The following POR variants were observed in gnomAD, a reference collection of about 807,000 sequenced individuals.
The protein encoded by POR is cytochrome p450 oxidoreductase, also known as NADPH--cytochrome P450 reductase.
POR carries 56 observed loss-of-function variants against 84.0 expected under a neutral mutation model. That is an observed-to-expected ratio of 0.67 (90% CI 0.54 to 0.83). POR has a LOEUF of 0.83. POR is among the 40% of genes least tolerant of loss of function. The pLI is 0.00. For missense variants in POR, 938 were observed against 944.3 expected, an observed-to-expected ratio of 0.99 and a Z score of 0.09; for synonymous variants, 414 against 400.5, an observed-to-expected ratio of 1.03 and a Z score of -0.40.
intron 1 of POR, among the ~76,000 whole-genome samples, chr7:75,918,935 C>A (rs1806713435): frequency 1.3e-5 from 2 of 151,394 alleles, no homozygotes; most frequent in Admixed American, 1.3e-4. Context: ...TCCTAGGAAC[C>A]ATGGGAAGAG....
At chr7:75,967,970 G>A (rs1480428546) in intron 2 of POR, 3 of 447,646 alleles carry the variant, frequency 6.7e-6, no homozygotes, top group South Asian at 3.1e-5. Flanking sequence ...TCACCAGTAC[G>A]GAACAGGGGA....
rs35350121 is a variant in POR, at chr7:75,976,750, GA to G, written c.238-2690del. Among the ~76,000 whole-genome samples, 302 of 144,526 alleles carry G rather than the reference GA, an allele frequency of 2.1e-3. 1 individual carries two copies. The highest frequency in any genetic ancestry group is 7.3e-3 in the African/African-American group (282 of 38,822). The allele number at this position is 144,526 out of a possible 152,430, so 94.8% of individuals were successfully genotyped here. On this transcript the variant is annotated intron_variant, in intron 3 of 15. Transcript: ENST00000461988. ...CGACAAGAGCAAAACTCTGTCTCAAGAAAAAAAAAAACAATTTTTAATGATT... is the reference window on the plus strand; with the variant it reads ...CGACAAGAGCAAAACTCTGTCTCAAGAAAAAAAAAACAATTTTTAATGATT...
intron 3 of POR, among the ~76,000 whole-genome samples, chr7:75,977,090 TCATC>T (rs1164344966): frequency 6.6e-6 from 1 of 152,146 alleles, no homozygotes; most frequent in Non-Finnish European, 1.5e-5. Context: ...TGGGCTCAAG[TCATC>T]CTCTTACCTC....
Position 75,984,774 on chromosome 7 carries a change from C to A in POR, c.1067-3C>A, listed in dbSNP as rs75883903. 1.9e-6 allele frequency: 3 copies of A among 1,612,338 alleles called. No individual in the cohort carries two copies. The highest frequency in any genetic ancestry group is 2.5e-6 in the Non-Finnish European group (3 of 1,179,638). ...CCAAGTCCTGCCTGTCTCTTCCCTG[C>A]AGAGGAGTCCAACAAGAAGCACCCA... On this transcript the variant is annotated splice_polypyrimidine_tract_variant and splice_region_variant and intron_variant, in intron 10 of 15. Transcript: ENST00000461988.
chr7:75,920,082 T>TC, intron 1 of POR, among the ~76,000 whole-genome samples: 1 of 141,296 alleles, frequency 7.1e-6, no homozygotes, highest in African/African-American at 2.9e-5. Flanking sequence ...TTTTTTTTTT[T>TC]TGAGACAGAG....
chr7:75,968,970 CTG>C (rs1321783392), intron 2 of POR, among the ~76,000 whole-genome samples: 3 of 152,354 alleles, frequency 2.0e-5, no homozygotes, highest in Admixed American at 2.0e-4. Context: ...TCCCGTGGGG[CTG>C]TCTCTCCAGG....
In POR at chr7:75,935,251, G is replaced by A. The variant is rs910998434; in HGVS notation, c.-4-18738G>A. On this transcript the variant is annotated intron_variant, in intron 1 of 15. Transcript: ENST00000461988. ...GATTTAATGACTGTCTGCCAGGTGC[G>A]GTGGCTCACACCTGTAATCCCAGCA... Among the ~76,000 whole-genome samples, 30 of 151,834 alleles carry A rather than the reference G, an allele frequency of 2.0e-4. 1 individual carries two copies. Among genetic ancestry groups the A allele is most frequent in the Non-Finnish European group, 2.8e-4 (19 of 67,966 alleles).
At chr7:75,936,810 CTTATTA>C (rs1194971224) in intron 1 of POR, among the ~76,000 whole-genome samples, 1 of 148,530 alleles carries the variant, frequency 6.7e-6, no homozygotes, top group South Asian at 2.1e-4. Context: ...CTCTGTTTCT[CTTATTA>C]TTATTAATTT....
chr7:75,985,543 G>A (rs1310677709), intron 12 of POR, 36 bp from the exon 13 acceptor site: 8 of 1,493,736 alleles, frequency 5.4e-6, no homozygotes, highest in Admixed American at 4.4e-5. Context: ...CAAGGGCCTC[G>A]GTGTGGCGGT....
intron 1 of POR, chr7:75,947,000 G>C (rs1345449904): frequency 6.6e-6 from 1 of 152,210 alleles, no homozygotes; most frequent in Non-Finnish European, 1.5e-5. Context: ...TGCGGCGGAC[G>C]CTCAAGTCTG....
intron 1 of POR, among the ~76,000 whole-genome samples, chr7:75,944,089 C>A (rs1787072114): frequency 6.6e-6 from 1 of 152,180 alleles, no homozygotes; most frequent in Non-Finnish European, 1.5e-5. Context: ...AGCCCCACCC[C>A]ATGTGTCAGT....
intron 1 of POR, among the ~76,000 whole-genome samples, chr7:75,931,164 A>G (rs565093499): frequency 6.6e-6 from 1 of 152,232 alleles, no homozygotes; most frequent in East Asian, 1.9e-4. Flanking sequence ...AAACAATCCA[A>G]GTATCCATCA....
intron 9 of POR, 51 bp downstream of exon 9, chr7:75,983,687 C>T (rs1187612288): frequency 3.3e-5 from 53 of 1,607,628 alleles, no homozygotes; most frequent in Non-Finnish European, 4.4e-5. Context: ...GCCTCCTGAC[C>T]TGGGGCAGGG....
chr7:75,984,208 C>CACCT (rs1401924550), intron 10 of POR, among the ~76,000 whole-genome samples: 3 of 152,292 alleles, frequency 2.0e-5, no homozygotes, highest in African/African-American at 4.8e-5. Context: ...GGGCTGCCCC[C>CACCT]ACCTCCTCAC....
intron 10 of POR, among the ~76,000 whole-genome samples, chr7:75,984,388 G>A (rs527519311): frequency 1.3e-5 from 2 of 152,276 alleles, no homozygotes; most frequent in South Asian, 2.1e-4. Flanking sequence ...AGCCCACCTC[G>A]CCCCACCCCT....
In POR at chr7:75,967,969, C is replaced by T. The variant is rs187238322; in HGVS notation, c.189-4444C>T. 30 of 447,172 alleles carry T rather than the reference C, an allele frequency of 6.7e-5. No homozygotes were observed. In the East Asian group the frequency reaches 1.3e-3, roughly 20 times the overall value. The allele number at this position is 447,172 out of a possible 1,614,324, so 27.7% of individuals were successfully genotyped here. Reference sequence around the variant, plus strand: ...GGCCCAGGCAACTTCCTCACCAGTACGGAACAGGGGATGCACAGGGCCGAA... The same window carrying T: ...GGCCCAGGCAACTTCCTCACCAGTATGGAACAGGGGATGCACAGGGCCGAA... On this transcript the variant is annotated intron_variant, in intron 2 of 15. Coordinates refer to ENST00000461988, the MANE Select transcript of POR (RefSeq NM_000941.3).
In POR at chr7:75,928,197, C is replaced by T. The variant is rs192014157; in HGVS notation, c.-5+13018C>T. On this transcript the variant is annotated intron_variant, in intron 1 of 15. Coordinates refer to ENST00000461988, the MANE Select transcript of POR (RefSeq NM_000941.3). Reference sequence around the variant, plus strand: ...TGTTGGCCAGGCTGGTCTCGAACTCCTGACCTTGTGATCCACCCGCCTCGG... The same window carrying T: ...TGTTGGCCAGGCTGGTCTCGAACTCTTGACCTTGTGATCCACCCGCCTCGG... Among the ~76,000 whole-genome samples the T allele has an allele frequency of 6.6e-3, 1,011 of 152,206 alleles. 14 individuals carry two copies. Among genetic ancestry groups the T allele is most frequent in the Middle Eastern group, 0.027 (8 of 294 alleles).
Position 75,970,194 on chromosome 7 carries a change from C to A in POR, c.189-2219C>A, listed in dbSNP as rs782525374. Reference sequence around the variant, plus strand: ...TTTAAAATATCTGCTCTGCTGGGGTCCCCTTACTCAGGGTGTAGCTATTCT... The same window carrying A: ...TTTAAAATATCTGCTCTGCTGGGGTACCCTTACTCAGGGTGTAGCTATTCT... On this transcript the variant is annotated intron_variant, in intron 2 of 15. Coordinates refer to ENST00000461988, the MANE Select transcript of POR (RefSeq NM_000941.3). Among the ~76,000 whole-genome samples the A allele has an allele frequency of 4.6e-5, 7 of 152,164 alleles. No homozygotes were observed. In the East Asian group the frequency reaches 1.4e-3, roughly 30 times the overall value.
At chr7:75,915,876 A>T (rs1216706834) in intron 1 of POR, 1 of 152,192 alleles carries the variant, frequency 6.6e-6, no homozygotes, top group Middle Eastern at 3.2e-3. Context: ...GGTTTCAGTG[A>T]GCTTGATTGA....
Sources: allele counts gnomAD v4.1 joint callset (sites outside exome capture counted in the v4.1 genomes callset), GRCh38; gene constraint gnomAD v4.1.1; transcripts MANE v1.5; gene names NCBI Gene and HGNC (gene_info 2026-07-23, HGNC 2026-07-21).